PHACTR3: variants seen among roughly 807,000 people sequenced by gnomAD.
PHACTR3 encodes phosphatase and actin regulator 3, also known as protein phosphatase 1, regulatory subunit 123.
PHACTR3 carries 16 observed loss-of-function variants against 66.8 expected under a neutral mutation model. The ratio of observed to expected loss-of-function variants is 0.24; its 90% CI spans 0.16 to 0.36. The LOEUF (loss-of-function observed/expected upper bound fraction) is 0.36. Among genes scored for constraint, PHACTR3 ranks in the 10% least tolerant of loss-of-function variants. The pLI is 1.00. For synonymous variants in PHACTR3, 323 were observed against 292.1 expected (o/e 1.11, Z -1.08); for missense variants, 647 against 719.9 (o/e 0.90, Z 1.16).
intron 1 of PHACTR3, among the ~76,000 whole-genome samples, chr20:59,622,792 C>G (rs958690489): frequency 2.6e-5 from 4 of 151,802 alleles, no homozygotes; most frequent in Non-Finnish European, 5.9e-5. Flanking sequence ...GGAGCCGGCT[C>G]TGGCCAGGAC....
intron 1 of PHACTR3, among the ~76,000 whole-genome samples, chr20:59,724,108 G>A (rs572608104): frequency 5.3e-5 from 8 of 152,274 alleles, no homozygotes; most frequent in South Asian, 4.1e-4. Flanking sequence ...CCCTGGCCAC[G>A]AGAGGTGGCG....
upstream of PHACTR3, among the ~76,000 whole-genome samples, chr20:59,600,008 C>T (rs555528559): frequency 6.6e-6 from 1 of 152,346 alleles, no homozygotes; most frequent in South Asian, 2.1e-4. Flanking sequence ...CAGGCTCTTC[C>T]TGAGGTCCAT....
chr20:59,660,206 C>T (rs2035762077), intron 1 of PHACTR3, among the ~76,000 whole-genome samples: 1 of 152,322 alleles, frequency 6.6e-6, no homozygotes, highest in East Asian at 1.9e-4. Flanking sequence ...GTTAAAAACT[C>T]ACTCTGGGCT....
chr20:59,648,418 C>G (rs531081715), intron 1 of PHACTR3, among the ~76,000 whole-genome samples: 1 of 152,288 alleles, frequency 6.6e-6, no homozygotes, highest in South Asian at 2.1e-4. Context: ...GGGTAGGTCC[C>G]TTGAGGGAAA....
At chr20:59,695,120 G>T (rs1241078510) in intron 1 of PHACTR3, among the ~76,000 whole-genome samples, 1 of 152,118 alleles carries the variant, frequency 6.6e-6, no homozygotes, top group African/African-American at 2.4e-5. Flanking sequence ...TCCTGGCTGA[G>T]TTTATTACCA....
At chr20:59,648,467 G>T (rs1659090984) in intron 1 of PHACTR3, among the ~76,000 whole-genome samples, 1 of 152,106 alleles carries the variant, frequency 6.6e-6, no homozygotes, top group South Asian at 2.1e-4. Context: ...ATGGCAATTG[G>T]GTAGGAAAAA....
At chr20:59,838,475 G>T (rs1382526793) in intron 9 of PHACTR3, among the ~76,000 whole-genome samples, 1 of 152,212 alleles carries the variant, frequency 6.6e-6, no homozygotes, top group African/African-American at 2.4e-5. Context: ...AAGCAGAAGA[G>T]CAGGGGTCCC....
intron 1 of PHACTR3, among the ~76,000 whole-genome samples, chr20:59,685,623 A>T (rs1702686362): frequency 6.6e-6 from 1 of 152,180 alleles, no homozygotes; most frequent in Non-Finnish European, 1.5e-5. Flanking sequence ...CTCTGCTCAC[A>T]TAGCTGGAAC....
chr20:59,724,633 C>A (rs2038489639), intron 1 of PHACTR3, among the ~76,000 whole-genome samples: 1 of 152,136 alleles, frequency 6.6e-6, no homozygotes, highest in Non-Finnish European at 1.5e-5. Flanking sequence ...GGGCCGTCAC[C>A]CAATGCTGTG....
chr20:59,814,234 T>C (rs1327843560), intron 8 of PHACTR3, among the ~76,000 whole-genome samples: 1 of 152,128 alleles, frequency 6.6e-6, no homozygotes, highest in Non-Finnish European at 1.5e-5. Flanking sequence ...GACAAGGGTT[T>C]CTCACATGCT....
intron 1 of PHACTR3, among the ~76,000 whole-genome samples, chr20:59,578,340 G>A (rs2146296058): frequency 6.6e-6 from 1 of 152,334 alleles, no homozygotes; most frequent in Admixed American, 6.5e-5. Context: ...TGTCCAGCAG[G>A]CAGAGCCCGG....
intron 3 of PHACTR3, among the ~76,000 whole-genome samples, chr20:59,752,347 C>T (rs1334645600): frequency 6.6e-6 from 1 of 152,224 alleles, no homozygotes; most frequent in Non-Finnish European, 1.5e-5. Flanking sequence ...GTGCACTGCC[C>T]CGCGCTCCCC....
chr20:59,681,295 C>T (rs145499319), intron 1 of PHACTR3, among the ~76,000 whole-genome samples: 6 of 152,214 alleles, frequency 3.9e-5, no homozygotes, highest in African/African-American at 1.4e-4. Context: ...CATACATACT[C>T]ATACTAAGGA....
At chr20:59,786,661 G>A (rs553381085) in intron 7 of PHACTR3, among the ~76,000 whole-genome samples, 4 of 152,142 alleles carry the variant, frequency 2.6e-5, no homozygotes, top group East Asian at 3.9e-4. Context: ...TGCCATTGAC[G>A]GGTGTCCATG....
chr20:59,628,741 G>C, intron 1 of PHACTR3: 1 of 985,564 alleles, frequency 1.0e-6, no homozygotes, highest in Non-Finnish European at 1.2e-6. Context: ...GCCAGAGAAG[G>C]ATGGATTTGT....
intron 1 of PHACTR3, among the ~76,000 whole-genome samples, chr20:59,633,843 C>T (rs1402658440): frequency 1.8e-4 from 28 of 152,022 alleles, no homozygotes; most frequent in Admixed American, 1.4e-3. Flanking sequence ...TATAATAGGG[C>T]GGAGGTTAAT....
intron 4 of PHACTR3, 110 bp downstream of exon 4, chr20:59,755,474 C>T (rs549480006): frequency 2.4e-6 from 3 of 1,265,976 alleles, no homozygotes; most frequent in East Asian, 5.1e-5. Context: ...CATTGTTCTC[C>T]AGAGAGCTGG....
chr20:59,751,464 G>A (rs766310829), intron 3 of PHACTR3, among the ~76,000 whole-genome samples: 24 of 152,066 alleles, frequency 1.6e-4, no homozygotes, highest in Non-Finnish European at 3.2e-4. Flanking sequence ...CTGCACACGC[G>A]CATGTATGCA....
intron 8 of PHACTR3, among the ~76,000 whole-genome samples, chr20:59,835,495 A>G (rs969986575): frequency 6.6e-6 from 1 of 152,198 alleles, no homozygotes; most frequent in Non-Finnish European, 1.5e-5. Context: ...CAACATCCTC[A>G]CTGGGGCAAA....
Sources: gnomAD v4.1 joint callset for allele counts (sites outside exome capture counted in the v4.1 genomes callset) on GRCh38, gnomAD v4.1.1 for gene constraint, MANE v1.5 for transcripts, NCBI Gene and HGNC (gene_info 2026-07-23, HGNC 2026-07-21) for gene names.